ADCY9: variants seen among roughly 807,000 people sequenced by gnomAD.
The protein encoded by ADCY9 is adenylate cyclase 9.
In ADCY9, 50 loss-of-function variants were observed where a neutral mutation model predicts 101.5. The ratio of observed to expected loss-of-function variants is 0.49; its 90% CI spans 0.39 to 0.62. The LOEUF (loss-of-function observed/expected upper bound fraction) is 0.62, where lower values mean the gene tolerates loss of function less well. ADCY9 is among the 20% of genes least tolerant of loss of function. ADCY9 has a pLI of 0.00. For missense variants in ADCY9, 1,662 were observed against 1,800.4 expected, an observed-to-expected ratio of 0.92 and a Z score of 1.39; for synonymous variants, 905 against 769.3, an observed-to-expected ratio of 1.18 and a Z score of -2.92.
chr16:4,069,005 T>C (rs1262424872), intron 2 of ADCY9, among the ~76,000 whole-genome samples: 1 of 152,174 alleles, frequency 6.6e-6, no homozygotes, highest in South Asian at 2.1e-4. Context: ...TTCTCATACA[T>C]ACATTTTTGT....
intron 2 of ADCY9, among the ~76,000 whole-genome samples, chr16:4,107,318 A>G (rs531703719): frequency 6.6e-6 from 1 of 152,266 alleles, no homozygotes; most frequent in South Asian, 2.1e-4. Flanking sequence ...TGGGAGGCTG[A>G]GGCTGGTGGA....
chr16:4,020,448 GTTAT>G (rs1434392601), intron 2 of ADCY9, among the ~76,000 whole-genome samples: 1 of 152,146 alleles, frequency 6.6e-6, no homozygotes, highest in Non-Finnish European at 1.5e-5. Context: ...AGTATTCACT[GTTAT>G]TTATTATAGA....
intron 2 of ADCY9, among the ~76,000 whole-genome samples, chr16:4,020,134 A>G (rs1238892874): frequency 2.6e-5 from 4 of 152,234 alleles, no homozygotes; most frequent in African/African-American, 4.8e-5. Context: ...GATGATGGGT[A>G]CATCCTGTAG....
At chr16:4,093,021 A>G (rs189699837) in intron 2 of ADCY9, among the ~76,000 whole-genome samples, 11 of 146,512 alleles carry the variant, frequency 7.5e-5, no homozygotes, top group Admixed American at 7.4e-4. Context: ...AGAAATTGCT[A>G]TATTAGTAAA....
At chr16:4,085,496 T>A (rs116057899) in intron 2 of ADCY9, among the ~76,000 whole-genome samples, 8 of 152,004 alleles carry the variant, frequency 5.3e-5, no homozygotes, top group African/African-American at 1.7e-4. Flanking sequence ...TGAGGTGGTA[T>A]AGAAAAAGCA....
intron 3 of ADCY9, among the ~76,000 whole-genome samples, 195 bp from the exon 4 acceptor site, chr16:3,993,705 G>C (rs370078774): frequency 1.3e-5 from 2 of 152,142 alleles, no homozygotes; most frequent in Admixed American, 6.6e-5. Flanking sequence ...ACCCGGGCAC[G>C]AACGCAACAG....
intron 10 of ADCY9, 147 bp downstream of exon 10, chr16:3,974,522 G>A (rs563568989): frequency 2.5e-5 from 15 of 600,682 alleles, no homozygotes; most frequent in East Asian, 1.7e-4. Flanking sequence ...ACAGTTCAAC[G>A]AGGAGATATT....
At position 3,963,164 on chromosome 16, in the gene ADCY9, G is replaced by T; in HGVS notation, c.*2611C>A. 1.1e-5 allele frequency: 3 copies of T among 278,944 alleles called. No individual in the cohort carries two copies. The highest frequency in any genetic ancestry group is 1.9e-5 in the Non-Finnish European group (3 of 159,226). The allele number at this position is 278,944 out of a possible 1,614,324, so 17.3% of individuals were successfully genotyped here. A position where few individuals can be genotyped will look rare whatever the true frequency, so the allele number is the denominator to read the frequency against. Reference sequence around the variant, plus strand: ...TATATGGATATATAATTCGATCTGAGCTGGGACTGAGAAGAAAATAGCAAT... The same window carrying T: ...TATATGGATATATAATTCGATCTGATCTGGGACTGAGAAGAAAATAGCAAT... On this transcript the variant is annotated 3_prime_UTR_variant, in exon 11 of 11. Coordinates refer to ENST00000294016, the MANE Select transcript of ADCY9 (RefSeq NM_001116.4).
chr16:4,048,912 C>G (rs187143038), intron 2 of ADCY9, among the ~76,000 whole-genome samples: 91 of 152,300 alleles, frequency 6.0e-4, no homozygotes, highest in African/African-American at 1.9e-3. Flanking sequence ...AGCAAAACCC[C>G]TGGTCTCCAG....
chr16:3,996,267 C>CA (rs1385955256), intron 3 of ADCY9, among the ~76,000 whole-genome samples: 1 of 152,120 alleles, frequency 6.6e-6, no homozygotes, highest in East Asian at 1.9e-4. Flanking sequence ...GAGGCTGAGG[C>CA]AGGAGGATTG....
intron 6 of ADCY9, 65 bp downstream of exon 6, chr16:3,988,929 G>A: frequency 7.8e-7 from 1 of 1,283,864 alleles, no homozygotes. Context: ...AAAACTAACA[G>A]TGAATGACCA....
At chr16:3,980,790 G>A (rs568488494) in intron 7 of ADCY9, among the ~76,000 whole-genome samples, 6 of 152,216 alleles carry the variant, frequency 3.9e-5, no homozygotes, top group Non-Finnish European at 7.3e-5. Flanking sequence ...GCCCTAGGAG[G>A]GGGGACAGAG....
intron 2 of ADCY9, among the ~76,000 whole-genome samples, chr16:4,060,503 C>A (rs539371639): frequency 6.6e-6 from 1 of 152,324 alleles, no homozygotes; most frequent in African/African-American, 2.4e-5. Context: ...ATATCCACCG[C>A]AAACTGTGAA....
At chr16:4,060,332 G>T (rs1413988113) in intron 2 of ADCY9, among the ~76,000 whole-genome samples, 1 of 152,174 alleles carries the variant, frequency 6.6e-6, no homozygotes, top group Non-Finnish European at 1.5e-5. Flanking sequence ...CACACAGGCA[G>T]GAAAGACTGA....
intron 3 of ADCY9, among the ~76,000 whole-genome samples, chr16:4,005,509 G>A (rs370726137): frequency 2.8e-4 from 42 of 152,290 alleles, no homozygotes; most frequent in East Asian, 1.3e-3. Flanking sequence ...GATTACAGGC[G>A]TGAGCCACCA....
intron 7 of ADCY9, chr16:3,982,868 C>A: frequency 4.0e-6 from 1 of 248,482 alleles, no homozygotes; most frequent in Non-Finnish European, 7.7e-6. Flanking sequence ...TGAAGAGGCG[C>A]CTGCTGTCCC....
intron 2 of ADCY9, among the ~76,000 whole-genome samples, chr16:4,099,395 TGGCATTATTTCC>T (rs2057028414): frequency 6.6e-6 from 1 of 152,222 alleles, no homozygotes; most frequent in Non-Finnish European, 1.5e-5. Flanking sequence ...GTTTCTTGGG[TGGCATTATTTCC>T]TCATAGAAAC....
rs1369573933 is a variant in ADCY9 at position 4,114,861 on chromosome 16, G to T, written c.582C>A (p.Val194=). The change falls in exon 2 of 11, where the codon GTC becomes GTA. Residue 194 remains valine, a synonymous_variant. Transcript: ENST00000294016. This position sits in a 1 kb window ranked among gnomAD's most constrained non-coding sequence, Gnocchi z 4.3. ...CGCCGCGTCCTGAGACAGGCGTCAAGACCTGGAACTGCGCAGCCAGGGTCA... is the reference window on the plus strand; with the variant it reads ...CGCCGCGTCCTGAGACAGGCGTCAATACCTGGAACTGCGCAGCCAGGGTCA... ...FALTLAAQFQ[V]LTPVSGRGDS... 1 of 1,613,704 alleles carries T rather than the reference G, an allele frequency of 6.2e-7. No individual in the cohort carries two copies. Among genetic ancestry groups the T allele is most frequent in the Admixed American group, 1.7e-5 (1 of 60,030 alleles).
chr16:4,114,378 C>T lies in ADCY9; in HGVS notation c.1065G>A (p.Glu355=). 1 of 1,614,062 alleles carries T rather than the reference C, an allele frequency of 6.2e-7. No individual in the cohort carries two copies. Among genetic ancestry groups the T allele is most frequent in the Non-Finnish European group, 8.5e-7 (1 of 1,180,042 alleles). The part of the protein sequence containing the change: ...DLMKQGDEES[E]NSVKRHATSS... ...AGGTGGCATGCCTCTTGACAGAATT[C>T]TCACTCTCCTCATCTCCCTGCTTCA... Residue 355 remains glutamate, a synonymous_variant, in exon 2 of 11, where the codon GAG becomes GAA. Transcript: ENST00000294016. The surrounding 1 kb of genome is among the most constrained non-coding windows in gnomAD (Gnocchi z 4.3).
Sources: allele counts gnomAD v4.1 joint callset (sites outside exome capture counted in the v4.1 genomes callset), GRCh38; gene constraint gnomAD v4.1.1; non-coding constraint Gnocchi (gnomAD v3.1); transcripts MANE v1.5; gene names NCBI Gene and HGNC (gene_info 2026-07-23, HGNC 2026-07-21).